The following PPP1R14C variants were observed in gnomAD, a reference collection of about 807,000 sequenced individuals.
PPP1R14C encodes protein phosphatase 1 regulatory inhibitor subunit 14C.
Under a neutral mutation model 20.4 loss-of-function variants are expected in PPP1R14C, and 16 were observed. The observed-to-expected ratio is 0.78, with a 90% CI of 0.53 to 1.19. PPP1R14C has a LOEUF of 1.19. PPP1R14C is among the 50% of genes most tolerant of loss of function. The pLI is 0.00. For synonymous variants in PPP1R14C, 91 were observed against 91.0 expected (o/e 1.00, Z 0.00); for missense variants, 211 against 220.1 (o/e 0.96, Z 0.26).
intron 1 of PPP1R14C, among the ~76,000 whole-genome samples, chr6:150,165,028 C>T (rs1209189037): frequency 2.0e-5 from 3 of 152,182 alleles, no homozygotes; most frequent in Non-Finnish European, 2.9e-5. Flanking sequence ...CTGTGTGGTA[C>T]CTTGATGAAC....
rs1034589115 is a variant in PPP1R14C at position 150,143,956 on chromosome 6, A to T, written c.306+458A>T. ...GTGGAGAACGAGCAGGGAAGGAAGG[A>T]AGCTGCCTCGTGGAAAGGAGAGGTT... On this transcript the variant is annotated intron_variant, in intron 1 of 3. Transcript: ENST00000361131. This position sits in a 1 kb window ranked among gnomAD's most constrained non-coding sequence, Gnocchi z 5.6. 1.3e-5 allele frequency among the ~76,000 whole-genome samples: 2 copies of T among 152,058 alleles called. No homozygotes were observed. Among genetic ancestry groups the T allele is most frequent in the Non-Finnish European group, 2.9e-5 (2 of 67,988 alleles).
intron 1 of PPP1R14C, among the ~76,000 whole-genome samples, chr6:150,154,286 T>A (rs913889672): frequency 2.0e-5 from 3 of 152,184 alleles, no homozygotes; most frequent in Non-Finnish European, 4.4e-5. Context: ...CAGGGCAGGA[T>A]GTATGCTTTG....
chr6:150,195,057 T>C (rs1212590298), intron 1 of PPP1R14C: 5 of 984,904 alleles, frequency 5.1e-6, no homozygotes, highest in Non-Finnish European at 6.0e-6. Context: ...GAATATAACC[T>C]GTATGACCAT....
chr6:150,229,599 G>A (rs1347945949), intron 3 of PPP1R14C, among the ~76,000 whole-genome samples: 1 of 152,126 alleles, frequency 6.6e-6, no homozygotes, highest in African/African-American at 2.4e-5. Flanking sequence ...ATGGGACTTC[G>A]CTCACAGTGG....
At chr6:150,239,482 C>T (rs1484823751) in intron 3 of PPP1R14C, among the ~76,000 whole-genome samples, 1 of 152,074 alleles carries the variant, frequency 6.6e-6, no homozygotes, top group Non-Finnish European at 1.5e-5. Context: ...AACCCACAGT[C>T]CAAAGAAGAA....
At chr6:150,153,896 C>T (rs952724798) in intron 1 of PPP1R14C, among the ~76,000 whole-genome samples, 5 of 152,174 alleles carry the variant, frequency 3.3e-5, no homozygotes, top group African/African-American at 9.7e-5. Flanking sequence ...ATTTGTTCAA[C>T]AGATAACATA....
chr6:150,245,668 A>G (rs1778482443), intron 3 of PPP1R14C, among the ~76,000 whole-genome samples: 1 of 152,230 alleles, frequency 6.6e-6, no homozygotes, highest in Non-Finnish European at 1.5e-5. Flanking sequence ...TTGGAGTGAT[A>G]GTATTTTAGG....
chr6:150,202,157 G>C (rs1484373971), intron 1 of PPP1R14C, among the ~76,000 whole-genome samples: 1 of 152,166 alleles, frequency 6.6e-6, no homozygotes, highest in Non-Finnish European at 1.5e-5. Context: ...GTGGTGTGAG[G>C]AAGGTAGTGC....
At chr6:150,167,970 C>T (rs1171021577) in intron 1 of PPP1R14C, among the ~76,000 whole-genome samples, 1 of 149,560 alleles carries the variant, frequency 6.7e-6, no homozygotes, top group African/African-American at 2.5e-5. Context: ...TCCCCTCTTT[C>T]TCTCCTTCTC....
At position 150,226,763 on chromosome 6, in the gene PPP1R14C, A is replaced by G. The variant is rs185027130; in HGVS notation, c.423+9907A>G. ...ACCTATCATTGTATCAAATTATACA[A>G]TGATATCAAAGCCTATACATTGATA... On this transcript the variant is annotated intron_variant, in intron 3 of 3. Transcript: ENST00000361131. Among the ~76,000 whole-genome samples the G allele has an allele frequency of 3.6e-3, 543 of 152,274 alleles. 4 individuals are homozygous for G. The highest frequency in any genetic ancestry group is 0.012 in the African/African-American group (507 of 41,560).
intron 3 of PPP1R14C, among the ~76,000 whole-genome samples, chr6:150,238,474 G>A (rs1285063365): frequency 1.3e-5 from 2 of 152,248 alleles, no homozygotes; most frequent in Admixed American, 6.5e-5. Flanking sequence ...GAGGTCTTTC[G>A]AGGCCTCTCA....
chr6:150,196,608 G>T (rs1777807800), intron 1 of PPP1R14C, among the ~76,000 whole-genome samples: 1 of 152,188 alleles, frequency 6.6e-6, no homozygotes, highest in Admixed American at 6.5e-5. Context: ...ACATAGATCA[G>T]CATAAAGAAC....
In PPP1R14C at chr6:150,226,906, A is replaced by G. The variant is rs114252385; in HGVS notation, c.423+10050A>G. ...GGACACACACTGGTACCAGAAAGCC[A>G]TGTGTGATCTGGTTTGTGAGTAGAA... On this transcript the variant is annotated intron_variant, in intron 3 of 3. Transcript: ENST00000361131. Among the ~76,000 whole-genome samples the G allele has an allele frequency of 4.7e-3, 714 of 152,292 alleles. 4 individuals carry two copies. The highest frequency in any genetic ancestry group is 0.016 in the African/African-American group (673 of 41,552).
chr6:150,236,652 T>TGTG (rs1163806438), intron 3 of PPP1R14C, among the ~76,000 whole-genome samples: 1 of 149,976 alleles, frequency 6.7e-6, no homozygotes, highest in Non-Finnish European at 1.5e-5. Flanking sequence ...CGTGTGTGTG[T>TGTG]TTAGCCAGGA....
chr6:150,193,752 A>G (rs1777772359), intron 1 of PPP1R14C, among the ~76,000 whole-genome samples: 2 of 152,150 alleles, frequency 1.3e-5, no homozygotes, highest in East Asian at 3.9e-4. Flanking sequence ...TGCTCTTGAT[A>G]AAAGCTCATT....
chr6:150,146,061 T>A (rs1420914623), intron 1 of PPP1R14C, among the ~76,000 whole-genome samples: 1 of 152,214 alleles, frequency 6.6e-6, no homozygotes, highest in Non-Finnish European at 1.5e-5. Context: ...ATCAGTTTTG[T>A]ATGAGAATAA....
At chr6:150,160,256 C>CTTT (rs535189665) in intron 1 of PPP1R14C, among the ~76,000 whole-genome samples, 24 of 100,912 alleles carry the variant, frequency 2.4e-4, no homozygotes, top group African/African-American at 6.2e-4. Flanking sequence ...GTAGCTCATT[C>CTTT]TTTTTTTTTT....
At position 150,143,831 on chromosome 6, in the gene PPP1R14C, C is replaced by A. The variant is rs1162665689; in HGVS notation, c.306+333C>A. Among the ~76,000 whole-genome samples, 1 of 152,174 alleles carries A rather than the reference C, an allele frequency of 6.6e-6. No individual in the cohort carries two copies. The highest frequency in any genetic ancestry group is 6.5e-5 in the Admixed American group (1 of 15,284). ...CCAGCTGCAGCTGCGCAAAGCGGGGCTCGGAGGGGCTCACTCCAGCTGCGC... is the reference window on the plus strand; with the variant it reads ...CCAGCTGCAGCTGCGCAAAGCGGGGATCGGAGGGGCTCACTCCAGCTGCGC... On this transcript the variant is annotated intron_variant, in intron 1 of 3. Transcript: ENST00000361131. This position sits in a 1 kb window ranked among gnomAD's most constrained non-coding sequence, Gnocchi z 5.6.
At chr6:150,163,858 T>A (rs1475762942) in intron 1 of PPP1R14C, among the ~76,000 whole-genome samples, 1 of 152,206 alleles carries the variant, frequency 6.6e-6, no homozygotes, top group South Asian at 2.1e-4. Flanking sequence ...TGTCTTTTGG[T>A]GAACCTATGT....
Sources: gnomAD v4.1 joint callset for allele counts (sites outside exome capture counted in the v4.1 genomes callset) on GRCh38, gnomAD v4.1.1 for gene constraint, Gnocchi (gnomAD v3.1) non-coding constraint, MANE v1.5 for transcripts, NCBI Gene and HGNC (gene_info 2026-07-23, HGNC 2026-07-21) for gene names.